ULK4: variants seen among roughly 807,000 people sequenced by gnomAD.
ULK4 encodes the protein unc-51 like kinase 4.
A neutral mutation model predicts 160.6 loss-of-function variants in ULK4; 133 were observed. The observed-to-expected ratio is 0.83, with a 90% CI of 0.72 to 0.96. The LOEUF (loss-of-function observed/expected upper bound fraction) is 0.96. Ranked by LOEUF, ULK4 falls within the 40% of genes least tolerant of loss-of-function variation. The probability of loss-of-function intolerance (pLI) is 0.00; values close to 1 mark genes in which losing one functional copy is unlikely to be tolerated. For missense variants in ULK4, 1,580 were observed against 1,499.5 expected, an observed-to-expected ratio of 1.05 and a Z score of -0.89; for synonymous variants, 534 against 539.8, an observed-to-expected ratio of 0.99 and a Z score of 0.15.
At chr3:41,757,403 C>T (rs1371512292) in intron 21 of ULK4, among the ~76,000 whole-genome samples, 2 of 151,900 alleles carry the variant, frequency 1.3e-5, no homozygotes, top group Non-Finnish European at 2.9e-5. Flanking sequence ...GAGGCCAAGG[C>T]GGGCAGAACA....
chr3:41,272,690 A>G lies in ULK4; in HGVS notation c.3679-23116T>C, dbSNP rs1327810454. 3.3e-5 allele frequency among the ~76,000 whole-genome samples: 5 copies of G among 151,904 alleles called. No homozygotes were observed. The East Asian group carries it at 9.7e-4, about 29-fold the overall frequency. On this transcript the variant is annotated intron_variant, in intron 35 of 36. Coordinates refer to ENST00000301831, the MANE Select transcript of ULK4 (RefSeq NM_017886.4). ...AAAATTTCAAGCATTATTCCTTCAA[A>G]TATTTTTGCTACTCTCTTCCATTCT... is the stretch of plus-strand genomic sequence containing the variant.
intron 17 of ULK4, among the ~76,000 whole-genome samples, chr3:41,877,656 A>C (rs1697358403): frequency 6.6e-6 from 1 of 152,156 alleles, no homozygotes; most frequent in Non-Finnish European, 1.5e-5. Flanking sequence ...GAAAAATAAA[A>C]ATTGTAAATC....
At chr3:41,670,363 A>T (rs2035497202) in intron 29 of ULK4, among the ~76,000 whole-genome samples, 1 of 152,136 alleles carries the variant, frequency 6.6e-6, no homozygotes, top group Non-Finnish European at 1.5e-5. Flanking sequence ...AAACTTTATA[A>T]AATGAAATTG....
intron 35 of ULK4, among the ~76,000 whole-genome samples, chr3:41,395,593 G>A (rs1399564341): frequency 6.6e-6 from 1 of 152,222 alleles, no homozygotes; most frequent in East Asian, 1.9e-4. Context: ...GAAACAGAAA[G>A]TCGAATGGTG....
intron 17 of ULK4, among the ~76,000 whole-genome samples, chr3:41,853,236 G>A (rs972570628): frequency 4.6e-5 from 7 of 152,138 alleles, no homozygotes; most frequent in Non-Finnish European, 8.8e-5. Flanking sequence ...CTAACAGGTT[G>A]CCAATTAATG....
chr3:41,299,507 G>A (rs1475009346), intron 35 of ULK4, among the ~76,000 whole-genome samples: 1 of 152,184 alleles, frequency 6.6e-6, no homozygotes, highest in Non-Finnish European at 1.5e-5. Context: ...AGGCTTCCTG[G>A]CAGTGCCCAG....
chr3:41,747,644 T>C (rs1030229145), intron 22 of ULK4, among the ~76,000 whole-genome samples: 7 of 152,018 alleles, frequency 4.6e-5, no homozygotes, highest in Non-Finnish European at 1.0e-4. Context: ...TATTTGGAGA[T>C]TTAAGGGGGT....
chr3:41,329,765 A>G (rs543173462), intron 35 of ULK4, among the ~76,000 whole-genome samples: 2 of 152,350 alleles, frequency 1.3e-5, no homozygotes, highest in East Asian at 1.9e-4. Flanking sequence ...TCACTAATAC[A>G]AGGTAGCAAT....
intron 34 of ULK4, among the ~76,000 whole-genome samples, chr3:41,450,648 C>T (rs149480513): frequency 6.4e-4 from 97 of 152,278 alleles, no homozygotes; most frequent in Middle Eastern, 3.4e-3. Flanking sequence ...TTTTTCCCTA[C>T]GGGAAAGCAA....
At chr3:41,475,372 C>CA (rs2084108466) in intron 32 of ULK4, among the ~76,000 whole-genome samples, 1 of 152,052 alleles carries the variant, frequency 6.6e-6, no homozygotes, top group African/African-American at 2.4e-5. Flanking sequence ...TCAAAAGGTA[C>CA]AAAATCTCAA....
chr3:41,410,875 C>G (rs141588397), intron 34 of ULK4, among the ~76,000 whole-genome samples: 1 of 152,154 alleles, frequency 6.6e-6, no homozygotes, highest in Non-Finnish European at 1.5e-5. Context: ...TTTGTCTCTA[C>G]GTGGCTGTCT....
chr3:41,843,780 T>C (rs540230358), intron 17 of ULK4, among the ~76,000 whole-genome samples: 12 of 152,262 alleles, frequency 7.9e-5, no homozygotes, highest in African/African-American at 2.9e-4. Flanking sequence ...TCGGGCAGCC[T>C]GCTTTTATTC....
intron 17 of ULK4, chr3:41,854,758 C>T (rs2042295053): frequency 6.6e-6 from 1 of 151,976 alleles, no homozygotes; most frequent in Admixed American, 6.6e-5. Context: ...AGTTCCAAAA[C>T]ACTTTCCTTC....
chr3:41,826,559 A>G (rs966196548), intron 18 of ULK4, among the ~76,000 whole-genome samples: 1 of 148,884 alleles, frequency 6.7e-6, no homozygotes, highest in Non-Finnish European at 1.5e-5. Context: ...AAAGAGACAA[A>G]GAAGGCCATT....
At chr3:41,823,292 G>T (rs1324773211) in intron 18 of ULK4, among the ~76,000 whole-genome samples, 6 of 152,164 alleles carry the variant, frequency 3.9e-5, no homozygotes, top group African/African-American at 1.4e-4. Flanking sequence ...AAGGAACTGT[G>T]GGGAGGTCAG....
chr3:41,640,029 C>A (rs890635010), intron 30 of ULK4, among the ~76,000 whole-genome samples: 3 of 152,112 alleles, frequency 2.0e-5, no homozygotes, highest in African/African-American at 7.2e-5. Flanking sequence ...TGAAGGATAT[C>A]AATGATTGGA....
chr3:41,254,268 T>C (rs1036239590), intron 35 of ULK4, among the ~76,000 whole-genome samples: 3 of 152,134 alleles, frequency 2.0e-5, no homozygotes, highest in Non-Finnish European at 4.4e-5. Flanking sequence ...TTAACACATT[T>C]AAAAAAATTG....
chr3:41,690,172 T>C (rs1255959837), intron 27 of ULK4, among the ~76,000 whole-genome samples: 1 of 148,770 alleles, frequency 6.7e-6, no homozygotes, highest in Non-Finnish European at 1.5e-5. Context: ...ATCATCATTC[T>C]CAGTAAACTA....
At chr3:41,873,307 A>G (rs889221469) in intron 17 of ULK4, among the ~76,000 whole-genome samples, 15 of 148,464 alleles carry the variant, frequency 1.0e-4, no homozygotes, top group African/African-American at 3.5e-4. Flanking sequence ...TAACTGCTTC[A>G]AGGCAAACCT....
Sources: gnomAD v4.1 joint callset for allele counts (sites outside exome capture counted in the v4.1 genomes callset) on GRCh38, gnomAD v4.1.1 for gene constraint, MANE v1.5 for transcripts, NCBI Gene and HGNC (gene_info 2026-07-23, HGNC 2026-07-21) for gene names.